The following SKIC3 variants were observed in gnomAD, a reference collection of about 807,000 sequenced individuals.
SKIC3 encodes the protein superkiller complex protein 3.
the SKIC3 span, chr5:95,467,914 C>T: frequency 6.2e-7 from 1 of 1,613,550 alleles, no homozygotes; most frequent in African/African-American, 1.3e-5. Context: ...TCAGTAGGTA[C>T]CAACGTGCAG....
chr5:95,508,632 G>A, the SKIC3 span, among the ~76,000 whole-genome samples: 1 of 152,094 alleles, frequency 6.6e-6, no homozygotes, highest in Admixed American at 6.6e-5. Flanking sequence ...TTCCTGCCCT[G>A]CATTCTCTGG....
the SKIC3 span, among the ~76,000 whole-genome samples, chr5:95,532,317 T>C: frequency 6.6e-6 from 1 of 152,130 alleles, no homozygotes; most frequent in East Asian, 1.9e-4. Context: ...CTTCCTAACA[T>C]ATTTCCTTTG....
At chr5:95,508,863 A>G in the SKIC3 span, among the ~76,000 whole-genome samples, 1 of 152,370 alleles carries the variant, frequency 6.6e-6, no homozygotes. Context: ...TAGATATTAA[A>G]GTCATTCAAA....
the SKIC3 span, chr5:95,516,976 A>C: frequency 1.9e-4 from 312 of 1,613,326 alleles, no homozygotes; most frequent in East Asian, 6.6e-3. Flanking sequence ...TTTCTGCTAG[A>C]TGTTGTGCTT....
chr5:95,503,756 C>T, the SKIC3 span: 3 of 1,606,498 alleles, frequency 1.9e-6, no homozygotes, highest in Admixed American at 1.7e-5. Context: ...TGTATGTGTG[C>T]TCATCATGAT....
At chr5:95,471,863 C>T in the SKIC3 span, among the ~76,000 whole-genome samples, 7 of 152,182 alleles carry the variant, frequency 4.6e-5, no homozygotes, top group African/African-American at 1.4e-4. Context: ...CATCTGCAGG[C>T]CCAGCAACAT....
chr5:95,535,602 G>A, the SKIC3 span, among the ~76,000 whole-genome samples: 8 of 151,318 alleles, frequency 5.3e-5, no homozygotes, highest in Non-Finnish European at 7.4e-5. Flanking sequence ...GAGCCACCGC[G>A]CCCGGCCAGT....
At chr5:95,529,143 G>C in the SKIC3 span, 43 of 1,559,126 alleles carry the variant, frequency 2.8e-5, no homozygotes, top group Non-Finnish European at 1.8e-6. Context: ...AGGTTTCTGT[G>C]ACTACATAGA....
the SKIC3 span, chr5:95,513,429 G>T: frequency 1.1e-6 from 1 of 895,944 alleles, no homozygotes; most frequent in African/African-American, 1.6e-5. Context: ...CTGGCCTCAA[G>T]CAATCCTCCT....
At chr5:95,540,837 A>G in the SKIC3 span, 2 of 1,613,656 alleles carry the variant, frequency 1.2e-6, no homozygotes, top group South Asian at 2.2e-5. Context: ...CCACCTATTA[A>G]AGAAGGAGAT....
chr5:95,484,122 T>C, the SKIC3 span, among the ~76,000 whole-genome samples: 211 of 152,298 alleles, frequency 1.4e-3, no homozygotes, highest in African/African-American at 5.0e-3. Flanking sequence ...TGTAAGCTCC[T>C]GTGCACATTA....
chr5:95,506,054 T>G, the SKIC3 span, among the ~76,000 whole-genome samples: 4 of 152,126 alleles, frequency 2.6e-5, no homozygotes, highest in African/African-American at 4.8e-5. Flanking sequence ...AAAGAACAGA[T>G]ACTTTATTCT....
At chr5:95,490,599 G>A in the SKIC3 span, among the ~76,000 whole-genome samples, 5 of 151,014 alleles carry the variant, frequency 3.3e-5, no homozygotes, top group East Asian at 1.9e-4. Context: ...CTGGGTTCAC[G>A]CCATTCTCCT....
chr5:95,478,226 C>T, the SKIC3 span: 1 of 1,572,604 alleles, frequency 6.4e-7, no homozygotes. Context: ...ATGTAAAAAG[C>T]CTTCACGTCA....
the SKIC3 span, among the ~76,000 whole-genome samples, chr5:95,465,567 G>A: frequency 6.6e-6 from 1 of 152,190 alleles, no homozygotes; most frequent in African/African-American, 2.4e-5. Flanking sequence ...GCCTGCCACA[G>A]TTCCATAGAT....
chr5:95,473,056 C>T, the SKIC3 span, among the ~76,000 whole-genome samples: 26 of 152,054 alleles, frequency 1.7e-4, no homozygotes, highest in African/African-American at 2.7e-4. Context: ...GTGAATAGTG[C>T]GGTGATAAAC....
the SKIC3 span, among the ~76,000 whole-genome samples, chr5:95,476,834 A>AT: frequency 6.6e-6 from 1 of 152,168 alleles, no homozygotes; most frequent in Non-Finnish European, 1.5e-5. Flanking sequence ...CTGCAAGCTA[A>AT]TTTCTTCATC....
chr5:95,542,920 A>G, the SKIC3 span, among the ~76,000 whole-genome samples: 2 of 152,204 alleles, frequency 1.3e-5, no homozygotes, highest in African/African-American at 2.4e-5. Context: ...TTATATGCAC[A>G]TATAACTAAG....
At chr5:95,516,362 T>C in the SKIC3 span, 1 of 1,613,094 alleles carries the variant, frequency 6.2e-7, no homozygotes, top group East Asian at 2.2e-5. Flanking sequence ...CCTCAATGTT[T>C]TCATTTGTGA....
Sources: allele counts gnomAD v4.1 joint callset (sites outside exome capture counted in the v4.1 genomes callset), GRCh38; gene constraint gnomAD v4.1.1; transcripts MANE v1.5; gene names NCBI Gene and HGNC (gene_info 2026-07-23, HGNC 2026-07-21).